Variants in TNFRSF10A observed in about 807,000 individuals in gnomAD.
TNFRSF10A encodes tumor necrosis factor receptor superfamily member 10A.
Under a neutral mutation model 42.8 loss-of-function variants are expected in TNFRSF10A, and 44 were observed. The ratio of observed to expected loss-of-function variants is 1.03; its 90% CI spans 0.81 to 1.32. TNFRSF10A has a LOEUF of 1.32. TNFRSF10A is among the 40% of genes most tolerant of loss of function. The pLI is 0.00. For synonymous variants in TNFRSF10A, 259 were observed against 234.2 expected (o/e 1.11, Z -0.97); for missense variants, 680 against 602.0 (o/e 1.13, Z -1.36).
rs760286010 is a variant in TNFRSF10A at position 23,201,757 on chromosome 8, G to T, written c.629+51C>A. On this transcript the variant is annotated intron_variant, in intron 4 of 9. Transcript: ENST00000221132. Reference sequence around the variant, plus strand: ...GACTCGGGTCTTTTTAGGGTTCCTTGCTTCTGTGGGTTCTTTGAGGCTGCT... The same window carrying T: ...GACTCGGGTCTTTTTAGGGTTCCTTTCTTCTGTGGGTTCTTTGAGGCTGCT... 2.1e-5 allele frequency: 32 copies of T among 1,557,252 alleles called. 1 individual carries two copies. Among genetic ancestry groups the T allele is most frequent in the Admixed American group, 1.8e-4 (11 of 59,482 alleles).
At position 23,199,927 on chromosome 8, in the gene TNFRSF10A, A is replaced by G. The variant is rs1800883484; in HGVS notation, c.800-10T>C. On this transcript the variant is annotated splice_polypyrimidine_tract_variant and intron_variant, in intron 6 of 9. Coordinates refer to ENST00000221132, the MANE Select transcript of TNFRSF10A (RefSeq NM_003844.4). ...GGGTCCCCTCCACAACCTAGAAGAG[A>G]AGACGGTTCCCTTAGTGGCCAGGGA... is the stretch of plus-strand genomic sequence containing the variant. The G allele has an allele frequency of 2.5e-6, 4 of 1,613,956 alleles. No homozygotes were observed. In the African/African-American group the frequency reaches 5.3e-5, roughly 22 times the overall value.
chr8:23,198,647 C>T (rs541931246), intron 8 of TNFRSF10A, among the ~76,000 whole-genome samples: 1 of 152,244 alleles, frequency 6.6e-6, no homozygotes, highest in Admixed American at 6.5e-5. Flanking sequence ...AAAAGCCCTT[C>T]AATGTCAAAT....
At chr8:23,211,385 A>G (rs1801090174) in intron 2 of TNFRSF10A, among the ~76,000 whole-genome samples, 1 of 152,176 alleles carries the variant, frequency 6.6e-6, no homozygotes, top group Non-Finnish European at 1.5e-5. Flanking sequence ...ACGAAACATT[A>G]TTTTAAAAAT....
At chr8:23,199,941 A>C (rs1271363297) in intron 6 of TNFRSF10A, 24 bp from the exon 7 acceptor site, 2 of 1,603,336 alleles carry the variant, frequency 1.2e-6, no homozygotes, top group Non-Finnish European at 1.7e-6. Context: ...CGGTTCCCTT[A>C]GTGGCCAGGG....
At chr8:23,208,192 T>C (rs1446702311) in intron 2 of TNFRSF10A, among the ~76,000 whole-genome samples, 2 of 152,204 alleles carry the variant, frequency 1.3e-5, no homozygotes, top group African/African-American at 4.8e-5. Context: ...AAGGTGACTC[T>C]TGTTATATTT....
At chr8:23,199,989 T>TTG in intron 6 of TNFRSF10A, 72 bp from the exon 7 acceptor site, 2 of 1,468,640 alleles carry the variant, frequency 1.4e-6, no homozygotes, top group Non-Finnish European at 1.9e-6. Context: ...AGGGCAGTGT[T>TTG]GGGCAGGGGT....
intron 7 of TNFRSF10A, 46 bp downstream of exon 7, chr8:23,199,840 G>T (rs200142462): frequency 6.2e-7 from 1 of 1,614,070 alleles, no homozygotes. Context: ...GCAAGAAGCA[G>T]TTCCTGAGCC....
chr8:23,219,961 C>T (rs962249853), intron 1 of TNFRSF10A, among the ~76,000 whole-genome samples: 1 of 152,182 alleles, frequency 6.6e-6, no homozygotes, highest in South Asian at 2.1e-4. Flanking sequence ...GGTGCACACA[C>T]GTTCCCCCTC....
intron 1 of TNFRSF10A, 82 bp downstream of exon 1, chr8:23,224,674 C>G: frequency 6.8e-7 from 1 of 1,474,490 alleles, no homozygotes; most frequent in Non-Finnish European, 9.1e-7. Context: ...GGCCAGGCAC[C>G]CCCGCCGCGT....
intron 6 of TNFRSF10A, 133 bp downstream of exon 6, chr8:23,200,372 T>C: frequency 1.1e-6 from 1 of 946,530 alleles, no homozygotes; most frequent in Non-Finnish European, 1.6e-6. Context: ...GGATGGGGGG[T>C]GATCACAAGG....
At chr8:23,224,547 G>A (rs1031869116) in intron 1 of TNFRSF10A, 1 of 608,712 alleles carries the variant, frequency 1.6e-6, no homozygotes, top group Non-Finnish European at 2.8e-6. Flanking sequence ...CCTGCGGGAG[G>A]GGGCTCTGCT....
chr8:23,213,436 CTTTTTTTTTTTTTTT>C lies in TNFRSF10A; in HGVS notation c.307-1239_307-1225del, dbSNP rs58691757. On this transcript the variant is annotated intron_variant, in intron 1 of 9. Transcript: ENST00000221132. ...GCTGGTTTGGGCTTAGTTTGCTCCT[CTTTTTTTTTTTTTTT>C]TTTTTTTTTTTTTTGAGACAGAGTC... Among the ~76,000 whole-genome samples, 8 of 68,668 alleles carry C rather than the reference CTTTTTTTTTTTTTTT, an allele frequency of 1.2e-4. 1 individual carries two copies. The highest frequency in any genetic ancestry group is 2.4e-4 in the African/African-American group (4 of 16,456). 45.0% of individuals were successfully genotyped at this position (68,668 alleles called of 152,430 possible). A position where few individuals can be genotyped will look rare whatever the true frequency, so the allele number is the denominator to read the frequency against.
intron 9 of TNFRSF10A, among the ~76,000 whole-genome samples, chr8:23,194,599 G>T (rs985137941): frequency 3.4e-4 from 52 of 152,052 alleles, no homozygotes; most frequent in African/African-American, 1.3e-3. Flanking sequence ...CTGACTTATT[G>T]GTGAAAATAT....
intron 9 of TNFRSF10A, among the ~76,000 whole-genome samples, chr8:23,195,171 GAAGA>G (rs1159510846): frequency 6.6e-6 from 1 of 152,090 alleles, no homozygotes; most frequent in Admixed American, 6.6e-5. Context: ...AACAAAAAAA[GAAGA>G]AAGACTGATG....
rs1308234179 is a variant in TNFRSF10A, at chr8:23,224,896, G to T, written c.166C>A (p.Pro56Thr). 2 of 1,593,232 alleles carry T rather than the reference G, an allele frequency of 1.3e-6. No individual in the cohort carries two copies. The highest frequency in any genetic ancestry group is 3.5e-5 in the Admixed American group (2 of 57,364). Reference protein sequence around the residue: ...EPRGGGRGALPTSMGQHGPSA... With the variant: ...EPRGGGRGALTTSMGQHGPSA... ...GGTCCGTGCTGTCCCATGGAGGTAG[G>T]GAGCGCTCCTCGGCCCCCGCCTCGT... Residue 56 changes from proline to threonine, a missense_variant, in exon 1 of 10, where the codon CCT becomes ACT. Pro to Thr is a conservative substitution (Grantham distance 38). Transcript: ENST00000221132.
chr8:23,219,675 A>AG (rs1421253307), intron 1 of TNFRSF10A, among the ~76,000 whole-genome samples: 1 of 152,184 alleles, frequency 6.6e-6, no homozygotes, highest in Admixed American at 6.5e-5. Context: ...GAAAAACCAC[A>AG]CAGGAAGAGG....
Position 23,200,780 on chromosome 8 carries a change from G to GC in TNFRSF10A, c.630-21_630-20insG. On this transcript the variant is annotated intron_variant, in intron 4 of 9. Transcript: ENST00000221132. ...GGGCACCTGGGTACACACAGGGAGG[G>GC]AGGGGGGGGACTCTTGATGGAAAGC... is the stretch of plus-strand genomic sequence containing the variant. 2 of 1,463,758 alleles carry GC rather than the reference G, an allele frequency of 1.4e-6. No homozygotes were observed. Among genetic ancestry groups the GC allele is most frequent in the African/African-American group, 1.4e-5 (1 of 70,638 alleles). The allele number at this position is 1,463,758 out of a possible 1,614,324, so 90.7% of individuals were successfully genotyped here.
Position 23,225,026 on chromosome 8 carries a change from C to T in TNFRSF10A, c.36G>A (p.Ala12=). ...APPPARVHLG[A]FLAVTPNPGS... ...CGGGATTCGGAGTCACTGCCAGGAACGCACCTAGATGTACTCTAGCTGGTG... is the reference window on the plus strand; with the variant it reads ...CGGGATTCGGAGTCACTGCCAGGAATGCACCTAGATGTACTCTAGCTGGTG... The change falls in exon 1 of 10, where the codon GCG becomes GCA. Residue 12 remains alanine, a synonymous_variant. Transcript: ENST00000221132. 6.3e-7 allele frequency: 1 copy of T among 1,578,010 alleles called. No homozygotes were observed. Among genetic ancestry groups the T allele is most frequent in the Non-Finnish European group, 8.6e-7 (1 of 1,161,504 alleles).
At chr8:23,206,756 A>G (rs1168659539) in intron 2 of TNFRSF10A, among the ~76,000 whole-genome samples, 1 of 152,250 alleles carries the variant, frequency 6.6e-6, no homozygotes, top group African/African-American at 2.4e-5. Flanking sequence ...AACCTGTACA[A>G]CAAAAAATTA....
Sources: gnomAD v4.1 joint callset for allele counts (sites outside exome capture counted in the v4.1 genomes callset) on GRCh38, gnomAD v4.1.1 for gene constraint, MANE v1.5 for transcripts, NCBI Gene and HGNC (gene_info 2026-07-23, HGNC 2026-07-21) for gene names.